Variants in TEAD1 observed in about 807,000 individuals in gnomAD.
TEAD1 encodes TEA domain transcription factor 1.
Under a neutral mutation model 54.9 loss-of-function variants are expected in TEAD1, and 9 were observed. The ratio of observed to expected loss-of-function variants is 0.16; its 90% CI spans 0.10 to 0.29. The LOEUF (loss-of-function observed/expected upper bound fraction) is 0.29, where lower values mean the gene tolerates loss of function less well. Ranked by LOEUF, TEAD1 falls within the 10% of genes least tolerant of loss-of-function variation. The pLI is 1.00. For synonymous variants in TEAD1, 200 were observed against 187.8 expected (o/e 1.07, Z -0.53); for missense variants, 387 against 535.9 (o/e 0.72, Z 2.74).
intron 3 of TEAD1, among the ~76,000 whole-genome samples, chr11:12,854,506 CAT>C (rs1291293405): frequency 6.6e-6 from 1 of 152,146 alleles, no homozygotes; most frequent in Non-Finnish European, 1.5e-5. Flanking sequence ...TGTGAGAGCA[CAT>C]GTTAGGGTGA....
chr11:12,846,533 T>C (rs1477606966), intron 3 of TEAD1, among the ~76,000 whole-genome samples: 1 of 151,936 alleles, frequency 6.6e-6, no homozygotes, highest in Non-Finnish European at 1.5e-5. Context: ...AACTTCTGTG[T>C]GGTGAATGAG....
At chr11:12,722,779 G>T (rs538567058) in intron 2 of TEAD1, among the ~76,000 whole-genome samples, 1 of 151,584 alleles carries the variant, frequency 6.6e-6, no homozygotes, top group Non-Finnish European at 1.5e-5. Context: ...TTTAGCCCTT[G>T]TCTGTATGCA....
intron 2 of TEAD1, among the ~76,000 whole-genome samples, chr11:12,703,030 A>G (rs1212505363): frequency 1.3e-5 from 2 of 152,130 alleles, no homozygotes; most frequent in East Asian, 1.9e-4. Flanking sequence ...TGCCGGCTCC[A>G]GGTTACTTGT....
At chr11:12,742,447 G>A (rs1944666851) in intron 2 of TEAD1, among the ~76,000 whole-genome samples, 1 of 152,056 alleles carries the variant, frequency 6.6e-6, no homozygotes, top group African/African-American at 2.4e-5. Flanking sequence ...TGAGAGGGTG[G>A]GTAGGGAAAG....
intron 9 of TEAD1, among the ~76,000 whole-genome samples, chr11:12,891,222 G>A (rs1055149396): frequency 1.3e-5 from 2 of 152,162 alleles, no homozygotes; most frequent in South Asian, 4.1e-4. Flanking sequence ...TCTCTTATGA[G>A]GCTTTGTAGT....
chr11:12,900,995 A>G (rs1948417130), intron 9 of TEAD1, among the ~76,000 whole-genome samples: 1 of 152,222 alleles, frequency 6.6e-6, no homozygotes, highest in Admixed American at 6.5e-5. Context: ...CGTCTAGACC[A>G]GTGGTCTCAA....
In TEAD1 at chr11:12,937,725, T is replaced by TA. The variant is rs1949123001; in HGVS notation, c.*504dup. ...ACACAAAACTAAGAATCTTTAGACT[T>TA]ATCTTTGTAACTAATTAGGGTGGAA... On this transcript the variant is annotated 3_prime_UTR_variant, in exon 13 of 13. Transcript: ENST00000527636. The TA allele has an allele frequency of 6.5e-6, 1 of 152,868 alleles. No homozygotes were observed. The highest frequency in any genetic ancestry group is 1.5e-5 in the Non-Finnish European group (1 of 68,210). 9.5% of individuals were successfully genotyped at this position (152,868 alleles called of 1,614,324 possible). A position where few individuals can be genotyped will look rare whatever the true frequency, so the allele number is the denominator to read the frequency against.
chr11:12,807,918 C>A (rs746926139), intron 3 of TEAD1, among the ~76,000 whole-genome samples: 2 of 152,156 alleles, frequency 1.3e-5, no homozygotes, highest in Non-Finnish European at 2.9e-5. Flanking sequence ...TTACTCATCT[C>A]TGAAGAGTCC....
At chr11:12,873,594 A>G (rs1947798052) in intron 5 of TEAD1, among the ~76,000 whole-genome samples, 1 of 152,262 alleles carries the variant, frequency 6.6e-6, no homozygotes, top group Admixed American at 6.5e-5. Flanking sequence ...GCAGCGAGTC[A>G]GGAGAAGCAT....
intron 11 of TEAD1, among the ~76,000 whole-genome samples, chr11:12,929,186 GTGTGTGTGTGTGTGTCTGC>G (rs1427866731): frequency 3.6e-5 from 3 of 84,288 alleles, no homozygotes; most frequent in African/African-American, 8.7e-5. Context: ...GTGTGTGTGT[GTGTGTGTGTGTGTGTCTGC>G]TTTAGGGTTA....
At chr11:12,688,692 A>G (rs1458700492) in intron 2 of TEAD1, among the ~76,000 whole-genome samples, 3 of 152,148 alleles carry the variant, frequency 2.0e-5, no homozygotes, top group African/African-American at 7.2e-5. Context: ...TGAGTAAGTG[A>G]TTAACTCTAT....
intron 2 of TEAD1, among the ~76,000 whole-genome samples, chr11:12,694,513 T>A (rs1427249756): frequency 1.3e-5 from 2 of 152,174 alleles, no homozygotes; most frequent in African/African-American, 2.4e-5. Flanking sequence ...AAACACGAAG[T>A]TGTCTCCCAA....
chr11:12,682,205 C>G (rs1943237269), intron 2 of TEAD1, among the ~76,000 whole-genome samples: 1 of 152,172 alleles, frequency 6.6e-6, no homozygotes, highest in Admixed American at 6.5e-5. Flanking sequence ...GGCAGTGTAC[C>G]TAGGAACATA....
At chr11:12,860,021 C>T (rs1315616624) in intron 3 of TEAD1, among the ~76,000 whole-genome samples, 1 of 152,122 alleles carries the variant, frequency 6.6e-6, no homozygotes, top group Non-Finnish European at 1.5e-5. Context: ...TTCTGGACTC[C>T]AAGCTTTGAA....
chr11:12,875,750 C>T (rs959288540), intron 5 of TEAD1, among the ~76,000 whole-genome samples: 1 of 152,178 alleles, frequency 6.6e-6, no homozygotes, highest in Non-Finnish European at 1.5e-5. Context: ...TTCCTTTCTA[C>T]ACTTAGCTTT....
intron 3 of TEAD1, among the ~76,000 whole-genome samples, chr11:12,846,038 T>C (rs920438661): frequency 6.6e-6 from 1 of 152,240 alleles, no homozygotes; most frequent in South Asian, 2.1e-4. Flanking sequence ...AATGCACTTA[T>C]TGTCATGTTA....
chr11:12,836,201 A>G (rs1242795487), intron 3 of TEAD1, among the ~76,000 whole-genome samples: 1 of 152,042 alleles, frequency 6.6e-6, no homozygotes, highest in Non-Finnish European at 1.5e-5. Context: ...TGGGTGGATC[A>G]TGAGGTCAGG....
intron 1 of TEAD1, among the ~76,000 whole-genome samples, 172 bp downstream of exon 1, chr11:12,675,006 C>T (rs901179992): frequency 2.7e-5 from 4 of 147,918 alleles, no homozygotes; most frequent in East Asian, 4.0e-4. Flanking sequence ...CTCCCCGCGC[C>T]CCCTCCGAGG....
At chr11:12,759,899 T>C (rs973425140) in intron 2 of TEAD1, among the ~76,000 whole-genome samples, 1 of 152,182 alleles carries the variant, frequency 6.6e-6, no homozygotes, top group African/African-American at 2.4e-5. Flanking sequence ...AGAAGACTTT[T>C]CTATTCTCTT....
Sources: gnomAD v4.1 joint callset for allele counts (sites outside exome capture counted in the v4.1 genomes callset) on GRCh38, gnomAD v4.1.1 for gene constraint, MANE v1.5 for transcripts, NCBI Gene and HGNC (gene_info 2026-07-23, HGNC 2026-07-21) for gene names.